Variants in ITGBL1 observed in about 807,000 individuals in gnomAD.
ITGBL1 encodes integrin subunit beta like 1.
A neutral mutation model predicts 68.5 loss-of-function variants in ITGBL1; 51 were observed. The ratio of observed to expected loss-of-function variants is 0.74; its 90% CI spans 0.59 to 0.94. The LOEUF is 0.94. ITGBL1 is among the 40% of genes least tolerant of loss of function. The pLI, the probability that ITGBL1 is intolerant of heterozygous loss-of-function variation, is 0.00. For missense variants in ITGBL1, 649 were observed against 647.4 expected (o/e 1.00, Z -0.03); for synonymous variants, 209 against 227.3 (o/e 0.92, Z 0.72).
downstream of ITGBL1, chr13:101,716,957 G>A (rs1442157461): frequency 6.6e-6 from 1 of 151,786 alleles, no homozygotes; most frequent in African/African-American, 2.4e-5. Context: ...CATATTTACA[G>A]GTAAATCTAC....
chr13:101,636,070 C>T (rs990812678), intron 7 of ITGBL1, among the ~76,000 whole-genome samples: 1 of 152,034 alleles, frequency 6.6e-6, no homozygotes, highest in Admixed American at 6.5e-5. Context: ...CAGGCTGAGA[C>T]CATATTTAAT....
chr13:101,454,399 TCCCCCC>T (rs10524609), intron 2 of ITGBL1, among the ~76,000 whole-genome samples: 57,026 of 135,954 alleles, frequency 0.42, 12,580 homozygotes, highest in East Asian at 0.51. Flanking sequence ...CCCTGGCTGG[TCCCCCC>T]CCCCCCCCCC....
intron 9 of ITGBL1, among the ~76,000 whole-genome samples, chr13:101,707,462 A>G (rs1161254576): frequency 2.6e-5 from 4 of 152,212 alleles, no homozygotes; most frequent in Non-Finnish European, 5.9e-5. Flanking sequence ...GAGGGGTAGT[A>G]TCCCACAAGT....
At chr13:101,500,392 T>C (rs1416033233) in intron 2 of ITGBL1, among the ~76,000 whole-genome samples, 1 of 152,222 alleles carries the variant, frequency 6.6e-6, no homozygotes, top group Non-Finnish European at 1.5e-5. Flanking sequence ...AAAAATGTCA[T>C]GTTGCTCTTT....
Position 101,704,192 on chromosome 13 carries a change from G to A in ITGBL1, c.1133-2564G>A, listed in dbSNP as rs74122646. 6.1e-3 allele frequency among the ~76,000 whole-genome samples: 928 copies of A among 152,252 alleles called. 8 individuals carry two copies. The highest frequency in any genetic ancestry group is 0.02 in the African/African-American group (849 of 41,546). ...GGTCCCCTAGCCCACTCTTTCACTG[G>A]ATACCTGTGTCTGGGTGCATTTGTT... On this transcript the variant is annotated intron_variant, in intron 8 of 10. Transcript: ENST00000376180.
chr13:101,487,867 A>G (rs561211588), intron 2 of ITGBL1, among the ~76,000 whole-genome samples: 1 of 152,304 alleles, frequency 6.6e-6, no homozygotes, highest in South Asian at 2.1e-4. Context: ...AAGAAGGGTT[A>G]ATCTTCCTAA....
At chr13:101,646,582 T>C (rs2032566537) in intron 7 of ITGBL1, among the ~76,000 whole-genome samples, 1 of 152,138 alleles carries the variant, frequency 6.6e-6, no homozygotes, top group South Asian at 2.1e-4. Flanking sequence ...CTTAAACATC[T>C]ATACCCCTTT....
intron 7 of ITGBL1, among the ~76,000 whole-genome samples, chr13:101,606,174 T>TTATATATATATATATATATA (rs4000927): frequency 9.4e-5 from 13 of 138,044 alleles, no homozygotes; most frequent in African/African-American, 3.5e-4. Context: ...ATTAGGATTT[T>TTATATATATATATATATATA]TATATATATA....
intron 7 of ITGBL1, among the ~76,000 whole-genome samples, chr13:101,612,681 G>A (rs2031190148): frequency 6.6e-6 from 1 of 152,130 alleles, no homozygotes; most frequent in Non-Finnish European, 1.5e-5. Context: ...CAGTTTTTAG[G>A]TTAGGCTTCT....
intron 7 of ITGBL1, among the ~76,000 whole-genome samples, chr13:101,657,611 G>C (rs1438212037): frequency 3.9e-5 from 6 of 152,150 alleles, no homozygotes; most frequent in Non-Finnish European, 8.8e-5. Context: ...ATTTTTTAAA[G>C]TTACAAAATA....
intron 2 of ITGBL1, among the ~76,000 whole-genome samples, chr13:101,544,722 G>T (rs9557697): frequency 1.6e-4 from 24 of 152,180 alleles, no homozygotes; most frequent in African/African-American, 4.8e-4. Context: ...CTTCCTGGCC[G>T]CTTTGTTTAC....
chr13:101,507,431 A>C (rs1226768383), intron 2 of ITGBL1, among the ~76,000 whole-genome samples: 1 of 152,188 alleles, frequency 6.6e-6, no homozygotes, highest in Non-Finnish European at 1.5e-5. Flanking sequence ...TTTTCTTCAC[A>C]TATCATCCTG....
chr13:101,543,761 T>G (rs1453518173), intron 2 of ITGBL1, among the ~76,000 whole-genome samples: 1 of 152,228 alleles, frequency 6.6e-6, no homozygotes. Flanking sequence ...TCATTTCTTT[T>G]AATTCTTTTT....
rs140762596 is a variant in ITGBL1 at position 101,716,383 on chromosome 13, T to TAAAG, written c.*733_*736dup. On this transcript the variant is annotated 3_prime_UTR_variant, in exon 11 of 11. Transcript: ENST00000376180. ...TTAAACTCACCAAAGAAGATTCTCT[T>TAAAG]AAAGAAATTATGAAAAATGTACAAT... is the stretch of plus-strand genomic sequence containing the variant. The TAAAG allele has an allele frequency of 6.6e-6, 1 of 152,238 alleles. No homozygotes were observed. The highest frequency in any genetic ancestry group is 1.9e-4 in the East Asian group (1 of 5,178). The allele number at this position is 152,238 out of a possible 1,614,324, so 9.4% of individuals were successfully genotyped here. A position where few individuals can be genotyped will look rare whatever the true frequency, so the allele number is the denominator to read the frequency against.
chr13:101,547,473 A>T (rs2049846106), intron 2 of ITGBL1, among the ~76,000 whole-genome samples: 1 of 151,834 alleles, frequency 6.6e-6, no homozygotes, highest in African/African-American at 2.4e-5. Context: ...TTTCCTTAAC[A>T]CCTCTTTGGA....
intron 2 of ITGBL1, among the ~76,000 whole-genome samples, chr13:101,509,530 C>A (rs2049081467): frequency 6.6e-6 from 1 of 152,062 alleles, no homozygotes; most frequent in African/African-American, 2.4e-5. Context: ...TACCATTGGA[C>A]CCGGTTTACT....
At chr13:101,579,576 C>G in intron 5 of ITGBL1, 149 bp downstream of exon 5, 1 of 836,416 alleles carries the variant, frequency 1.2e-6, no homozygotes, top group Non-Finnish European at 1.8e-6. Context: ...ACTATCCCAA[C>G]AATCTTTTCT....
At chr13:101,651,393 G>A (rs2032744550) in intron 7 of ITGBL1, among the ~76,000 whole-genome samples, 1 of 151,980 alleles carries the variant, frequency 6.6e-6, no homozygotes, top group Admixed American at 6.5e-5. Flanking sequence ...TTTCTCTAAT[G>A]ATCAGTGATG....
At chr13:101,619,787 T>A (rs1308368903) in intron 7 of ITGBL1, among the ~76,000 whole-genome samples, 1 of 152,206 alleles carries the variant, frequency 6.6e-6, no homozygotes, top group Admixed American at 6.5e-5. Flanking sequence ...TGAAAAAGAA[T>A]TATGTATAAA....
Sources: gnomAD v4.1 joint callset for allele counts (sites outside exome capture counted in the v4.1 genomes callset) on GRCh38, gnomAD v4.1.1 for gene constraint, MANE v1.5 for transcripts, NCBI Gene and HGNC (gene_info 2026-07-23, HGNC 2026-07-21) for gene names.